The following DNAJC11 variants were observed in gnomAD, a reference collection of about 807,000 sequenced individuals.
DNAJC11 encodes the protein dnaJ homolog subfamily C member 11.
DNAJC11 carries 15 observed loss-of-function variants against 78.6 expected under a neutral mutation model. The observed-to-expected ratio is 0.19, with a 90% CI of 0.13 to 0.29. The LOEUF (loss-of-function observed/expected upper bound fraction) is 0.29, where lower values mean the gene tolerates loss of function less well. Ranked by LOEUF, DNAJC11 falls within the 10% of genes least tolerant of loss-of-function variation. The probability of loss-of-function intolerance (pLI) is 1.00; values close to 1 mark genes in which losing one functional copy is unlikely to be tolerated. For missense variants in DNAJC11, 547 were observed against 709.6 expected (o/e 0.77, Z 2.60); for synonymous variants, 292 against 272.1 (o/e 1.07, Z -0.72).
intron 1 of DNAJC11, among the ~76,000 whole-genome samples, chr1:6,694,740 C>T (rs566978550): frequency 6.7e-6 from 1 of 149,380 alleles, no homozygotes. Context: ...CTGAGGCGGG[C>T]GGATCACAAG....
chr1:6,652,566 A>T (rs1383400705), intron 6 of DNAJC11, among the ~76,000 whole-genome samples: 1 of 152,074 alleles, frequency 6.6e-6, no homozygotes, highest in East Asian at 1.9e-4. Context: ...CAGCCTCCCA[A>T]GTAGCTGGGA....
In DNAJC11 at chr1:6,678,339, G is replaced by C. The variant is rs569730561; in HGVS notation, c.276+55C>G. On this transcript the variant is annotated intron_variant, in intron 3 of 15. Transcript: ENST00000377577. ...ACAGATTGCAGGGTTTTGGGGAGAT[G>C]TTCTGTAACTGTTTAATGACTTTTC... The C allele has an allele frequency of 3.0e-5, 45 of 1,490,226 alleles. No homozygotes were observed. The South Asian group carries it at 4.2e-4, about 14-fold the overall frequency. The allele number at this position is 1,490,226 out of a possible 1,614,324, so 92.3% of individuals were successfully genotyped here. A position where few individuals can be genotyped will look rare whatever the true frequency, so the allele number is the denominator to read the frequency against.
At chr1:6,678,881 T>C (rs868803320) in intron 2 of DNAJC11, among the ~76,000 whole-genome samples, 1 of 152,194 alleles carries the variant, frequency 6.6e-6, no homozygotes, top group Non-Finnish European at 1.5e-5. Flanking sequence ...ATTCCTGGCC[T>C]TAAATGATTC....
intron 10 of DNAJC11, among the ~76,000 whole-genome samples, chr1:6,643,931 A>G (rs1376976982): frequency 6.6e-6 from 1 of 151,242 alleles, no homozygotes; most frequent in Non-Finnish European, 1.5e-5. Context: ...AGTGCAATGG[A>G]GCGATCCTGG....
intron 1 of DNAJC11, among the ~76,000 whole-genome samples, chr1:6,695,239 T>C (rs1166038529): frequency 6.6e-6 from 1 of 151,932 alleles, no homozygotes. Flanking sequence ...GGACTTAAGT[T>C]ATCCTCCTGC....
intron 1 of DNAJC11, among the ~76,000 whole-genome samples, chr1:6,701,458 C>T (rs1223737093): frequency 6.6e-6 from 1 of 152,226 alleles, no homozygotes; most frequent in Non-Finnish European, 1.5e-5. Flanking sequence ...CTTGAGCGTG[C>T]GGGGGCCTCT....
rs991039761 is a variant in DNAJC11 at position 6,664,453 on chromosome 1, T to C, written c.378+3256A>G. Reference sequence around the variant, plus strand: ...CAGGGTTTCACCGTGTTAGCCAGGATGGTCTCGATCTCCTGACCTCGTAAT... The same window carrying C: ...CAGGGTTTCACCGTGTTAGCCAGGACGGTCTCGATCTCCTGACCTCGTAAT... On this transcript the variant is annotated intron_variant, in intron 4 of 15. Transcript: ENST00000377577. 1.3e-5 allele frequency among the ~76,000 whole-genome samples: 2 copies of C among 152,126 alleles called. 1 individual carries two copies. Among genetic ancestry groups the C allele is most frequent in the African/African-American group, 4.8e-5 (2 of 41,438 alleles).
At chr1:6,658,572 G>A (rs564352404) in intron 4 of DNAJC11, among the ~76,000 whole-genome samples, 2 of 152,208 alleles carry the variant, frequency 1.3e-5, no homozygotes, top group East Asian at 1.9e-4. Context: ...AAAGCGGGGA[G>A]CGGCAGGGCT....
chr1:6,653,093 C>T lies in DNAJC11; in HGVS notation c.508-142G>A. 2.1e-6 allele frequency: 2 copies of T among 934,466 alleles called. No individual in the cohort carries two copies. The highest frequency in any genetic ancestry group is 1.6e-6 in the Non-Finnish European group (1 of 616,576). 57.9% of individuals were successfully genotyped at this position (934,466 alleles called of 1,614,324 possible). On this transcript the variant is annotated intron_variant, in intron 5 of 15. Transcript: ENST00000377577. This position sits in a 1 kb window ranked among gnomAD's most constrained non-coding sequence, Gnocchi z 4.5. Reference sequence around the variant, plus strand: ...AGAAGCACACATGGATGCAGAACTGCCGCAACAGCTTCACTTTTCTTCCGC... The same window carrying T: ...AGAAGCACACATGGATGCAGAACTGTCGCAACAGCTTCACTTTTCTTCCGC...
At chr1:6,687,518 G>A (rs900290884) in intron 1 of DNAJC11, among the ~76,000 whole-genome samples, 3 of 151,892 alleles carry the variant, frequency 2.0e-5, no homozygotes, top group South Asian at 2.1e-4. Context: ...CACCATGCCC[G>A]GCTAAATTTT....
intron 7 of DNAJC11, among the ~76,000 whole-genome samples, chr1:6,646,421 G>A (rs1641966927): frequency 6.6e-6 from 1 of 152,216 alleles, no homozygotes; most frequent in Non-Finnish European, 1.5e-5. Context: ...TCGCCGGCAT[G>A]CTGATTCCTT....
At chr1:6,699,259 T>C (rs1202424719) in intron 1 of DNAJC11, among the ~76,000 whole-genome samples, 1 of 152,078 alleles carries the variant, frequency 6.6e-6, no homozygotes, top group Non-Finnish European at 1.5e-5. Context: ...GATCCACCTC[T>C]GCACTTCAGC....
chr1:6,673,089 G>A (rs1160304146), intron 3 of DNAJC11, among the ~76,000 whole-genome samples: 8 of 151,220 alleles, frequency 5.3e-5, no homozygotes, highest in Non-Finnish European at 1.0e-4. Context: ...CCAGCTACTC[G>A]GGAGGCTGAG....
chr1:6,648,680 C>A (rs1286060639), intron 7 of DNAJC11, among the ~76,000 whole-genome samples: 1 of 151,954 alleles, frequency 6.6e-6, no homozygotes, highest in Non-Finnish European at 1.5e-5. Context: ...TGGTCTCAAA[C>A]TCCTGAGCTC....
intron 1 of DNAJC11, among the ~76,000 whole-genome samples, chr1:6,692,058 G>A (rs574629907): frequency 6.6e-6 from 1 of 152,296 alleles, no homozygotes; most frequent in African/African-American, 2.4e-5. Context: ...GTTTTCCATT[G>A]TTTTATTACT....
At chr1:6,690,114 T>C (rs997993100) in intron 1 of DNAJC11, among the ~76,000 whole-genome samples, 3 of 152,172 alleles carry the variant, frequency 2.0e-5, no homozygotes, top group Non-Finnish European at 2.9e-5. Flanking sequence ...ACCCGAAAGA[T>C]TGTTAGAAAC....
intron 4 of DNAJC11, among the ~76,000 whole-genome samples, chr1:6,661,398 C>T (rs1270276714): frequency 6.6e-6 from 1 of 152,170 alleles, no homozygotes; most frequent in Non-Finnish European, 1.5e-5. Flanking sequence ...ATTCTGAAAC[C>T]TTGTTTGTGA....
Position 6,681,055 on chromosome 1 carries a change from C to A in DNAJC11, c.73-18G>T, listed in dbSNP as rs770715222. 3.1e-6 allele frequency: 5 copies of A among 1,588,164 alleles called. No homozygotes were observed. The highest frequency in any genetic ancestry group is 1.4e-5 in the African/African-American group (1 of 73,794). On this transcript the variant is annotated intron_variant, in intron 1 of 15. Coordinates refer to ENST00000377577, the MANE Select transcript of DNAJC11 (RefSeq NM_018198.4). ...GAAGAGGCCTAAAGAAAGAAAAATT[C>A]AATTAGAGAACAATCAATGCTACTT...
chr1:6,692,838 C>G (rs1642767431), intron 1 of DNAJC11, among the ~76,000 whole-genome samples: 1 of 151,464 alleles, frequency 6.6e-6, no homozygotes, highest in Admixed American at 6.6e-5. Flanking sequence ...CTCAAACTCC[C>G]GACTTCAGGT....
Sources: allele counts gnomAD v4.1 joint callset (sites outside exome capture counted in the v4.1 genomes callset), GRCh38; gene constraint gnomAD v4.1.1; non-coding constraint Gnocchi (gnomAD v3.1); transcripts MANE v1.5; gene names NCBI Gene and HGNC (gene_info 2026-07-23, HGNC 2026-07-21).